ADAMTSL3: variants seen among roughly 807,000 people sequenced by gnomAD.
The protein encoded by ADAMTSL3 is ADAMTS like 3.
ADAMTSL3 carries 128 observed loss-of-function variants against 201.7 expected under a neutral mutation model. The ratio of observed to expected loss-of-function variants is 0.63; its 90% confidence interval spans 0.55 to 0.73. The LOEUF (loss-of-function observed/expected upper bound fraction) is 0.73. ADAMTSL3 is among the 30% of genes least tolerant of loss of function. ADAMTSL3 has a pLI of 0.00. For synonymous variants in ADAMTSL3, 738 were observed against 748.4 expected, an observed-to-expected ratio of 0.99 and a Z score of 0.23; for missense variants, 1,990 against 2,119.6, an observed-to-expected ratio of 0.94 and a Z score of 1.20.
intron 3 of ADAMTSL3, among the ~76,000 whole-genome samples, chr15:83,722,509 A>G (rs1285602156): frequency 6.6e-6 from 1 of 152,244 alleles, no homozygotes; most frequent in Non-Finnish European, 1.5e-5. Context: ...AACAGAAAAA[A>G]TTATGATACA....
chr15:83,746,233 C>T (rs1313711430), intron 3 of ADAMTSL3, among the ~76,000 whole-genome samples: 2 of 151,602 alleles, frequency 1.3e-5, no homozygotes, highest in Non-Finnish European at 3.0e-5. Flanking sequence ...CCCAGAAGCA[C>T]CGACAGAAAA....
chr15:83,747,414 G>T (rs1186964225), intron 3 of ADAMTSL3, among the ~76,000 whole-genome samples: 1 of 152,158 alleles, frequency 6.6e-6, no homozygotes, highest in Non-Finnish European at 1.5e-5. Context: ...TCTGGCAGGA[G>T]AAATGGTTTC....
chr15:83,982,553 C>A lies in ADAMTSL3; in HGVS notation c.2925C>A (p.Pro975=), dbSNP rs746562941. 2.4e-5 allele frequency: 38 copies of A among 1,614,058 alleles called. 1 individual carries two copies. In the South Asian group the frequency reaches 4.2e-4, roughly 18 times the overall value. The change falls in exon 21 of 30, where the codon CCC becomes CCA. Residue 975 remains proline, a synonymous_variant. Coordinates refer to ENST00000286744, the MANE Select transcript of ADAMTSL3 (RefSeq NM_207517.3). The part of the protein sequence containing the change: ...GSLKIHGLAA[P]DIGVYRCIAG... ...TAAAAATCCATGGTCTTGCTGCCCC[C>A]GACATCGGCGTGTACCGGTGCATTG... is the stretch of plus-strand genomic sequence containing the variant.
At position 83,982,376 on chromosome 15, in the gene ADAMTSL3, G is replaced by A; in HGVS notation, c.2748G>A (p.Leu916=). ...IQTREEKRIN[L]TIGSRAYLLP... ...CAAGGGAAGAGAAGCGTATTAACCT[G>A]ACCATTGGTAGCAGAGCCTATTTGC... Residue 916 remains leucine, a synonymous_variant, in exon 21 of 30, where the codon CTG becomes CTA. Coordinates refer to ENST00000286744, the MANE Select transcript of ADAMTSL3 (RefSeq NM_207517.3). 6.2e-7 allele frequency: 1 copy of A among 1,614,024 alleles called. No homozygotes were observed. Among genetic ancestry groups the A allele is most frequent in the Non-Finnish European group, 8.5e-7 (1 of 1,180,022 alleles).
At chr15:83,976,777 GCTT>G (rs1209007327) in intron 20 of ADAMTSL3, among the ~76,000 whole-genome samples, 8 of 152,166 alleles carry the variant, frequency 5.3e-5, no homozygotes, top group African/African-American at 1.9e-4. Flanking sequence ...TACAGATGAA[GCTT>G]CGCTCACTGG....
At chr15:83,736,701 T>C (rs1025678744) in intron 3 of ADAMTSL3, among the ~76,000 whole-genome samples, 1 of 152,166 alleles carries the variant, frequency 6.6e-6, no homozygotes, top group Non-Finnish European at 1.5e-5. Context: ...TATTCTTTCC[T>C]AGGTAGGTAG....
intron 20 of ADAMTSL3, among the ~76,000 whole-genome samples, chr15:83,981,286 CT>C (rs1282965466): frequency 6.6e-6 from 1 of 152,208 alleles, no homozygotes. Context: ...GAAGTATTGT[CT>C]TTGGGCCTAG....
chr15:83,805,209 C>T (rs976315303), intron 5 of ADAMTSL3, among the ~76,000 whole-genome samples: 5 of 152,178 alleles, frequency 3.3e-5, no homozygotes, highest in African/African-American at 1.2e-4. Flanking sequence ...AAACCCTACC[C>T]TTATTTTACA....
chr15:83,891,245 G>C (rs2065493069), intron 11 of ADAMTSL3, 84 bp from the exon 12 acceptor site: 2 of 1,187,558 alleles, frequency 1.7e-6, no homozygotes, highest in South Asian at 2.5e-5. Flanking sequence ...TCTGTCTCTT[G>C]GGATGTCAAA....
At chr15:83,868,366 C>G (rs2065018560) in intron 8 of ADAMTSL3, among the ~76,000 whole-genome samples, 1 of 152,078 alleles carries the variant, frequency 6.6e-6, no homozygotes, top group Non-Finnish European at 1.5e-5. Flanking sequence ...GATTGAAACA[C>G]CACAAACTCC....
chr15:83,703,852 C>T (rs1423535862), intron 2 of ADAMTSL3, among the ~76,000 whole-genome samples: 1 of 152,062 alleles, frequency 6.6e-6, no homozygotes, highest in Non-Finnish European at 1.5e-5. Flanking sequence ...AAAGGAAATA[C>T]ACCAAAACAA....
chr15:83,677,753 G>A (rs1693747068), intron 2 of ADAMTSL3, among the ~76,000 whole-genome samples: 1 of 151,916 alleles, frequency 6.6e-6, no homozygotes, highest in African/African-American at 2.4e-5. Context: ...TGTATTTGCT[G>A]TAATTTGACT....
intron 3 of ADAMTSL3, among the ~76,000 whole-genome samples, chr15:83,725,435 C>T (rs549938482): frequency 1.3e-5 from 2 of 152,278 alleles, no homozygotes; most frequent in East Asian, 3.9e-4. Flanking sequence ...CTTTGGTTGC[C>T]TGCACTTGTC....
At chr15:83,732,118 A>G (rs1354497716) in intron 3 of ADAMTSL3, among the ~76,000 whole-genome samples, 1 of 152,104 alleles carries the variant, frequency 6.6e-6, no homozygotes, top group Non-Finnish European at 1.5e-5. Flanking sequence ...CACTATGTAT[A>G]TGTATATCAA....
At chr15:83,977,999 T>C (rs2067315890) in intron 20 of ADAMTSL3, among the ~76,000 whole-genome samples, 2 of 152,156 alleles carry the variant, frequency 1.3e-5, no homozygotes, top group African/African-American at 4.8e-5. Flanking sequence ...TTACTCCTAT[T>C]GGGAGGAGTG....
intron 2 of ADAMTSL3, among the ~76,000 whole-genome samples, chr15:83,664,274 G>GTT (rs5814158): frequency 5.7e-4 from 83 of 145,824 alleles, no homozygotes; most frequent in Middle Eastern, 3.6e-3. Flanking sequence ...TTTTCTTTTC[G>GTT]TTTTTTTTTT....
chr15:84,021,459 T>A lies in ADAMTSL3; in HGVS notation c.4323T>A (p.Gly1441=). The A allele has an allele frequency of 4.3e-6, 7 of 1,614,102 alleles. No homozygotes were observed. Among genetic ancestry groups the A allele is most frequent in the Non-Finnish European group, 5.9e-6 (7 of 1,180,016 alleles). The part of the protein sequence containing the change: ...GNWSHCSATC[G]HLGARIQRPQ... ...GGTCACATTGTTCTGCCACCTGTGG[T>A]CATTTGGGAGCCCGCATTCAGAGAC... Residue 1441 remains glycine (G), a synonymous_variant, in exon 26 of 30, where the codon GGT becomes GGA. Coordinates refer to ENST00000286744, the MANE Select transcript of ADAMTSL3 (RefSeq NM_207517.3).
rs1567154045 is a variant in ADAMTSL3 at position 83,801,658 on chromosome 15, ATATATATATATATATATATATAT to A, written c.318-2991_318-2969del. 3.9e-3 allele frequency among the ~76,000 whole-genome samples: 265 copies of A among 68,830 alleles called. 12 individuals carry two copies. Among genetic ancestry groups the A allele is most frequent in the African/African-American group, 9.8e-3 (210 of 21,446 alleles). The allele number at this position is 68,830 out of a possible 152,430, so 45.2% of individuals were successfully genotyped here. A position where few individuals can be genotyped will look rare whatever the true frequency, so the allele number is the denominator to read the frequency against. On this transcript the variant is annotated intron_variant, in intron 4 of 29. Transcript: ENST00000286744. ...TATAAATATATAAATATAAATATAT[ATATATATATATATATATATATAT>A]ATATATATATATATGTATGTATGAG... is the stretch of plus-strand genomic sequence containing the variant.
intron 7 of ADAMTSL3, among the ~76,000 whole-genome samples, chr15:83,847,186 C>T (rs1018625049): frequency 2.0e-5 from 3 of 152,206 alleles, no homozygotes; most frequent in Non-Finnish European, 4.4e-5. Flanking sequence ...GCCGATTGTT[C>T]TCAACAAGGC....
Sources: gnomAD v4.1 joint callset for allele counts (sites outside exome capture counted in the v4.1 genomes callset) on GRCh38, gnomAD v4.1.1 for gene constraint, MANE v1.5 for transcripts, NCBI Gene and HGNC (gene_info 2026-07-23, HGNC 2026-07-21) for gene names.